Variants in AP1M1 observed in about 807,000 individuals in gnomAD.
The protein encoded by AP1M1 is AP-1 complex subunit mu-1.
AP1M1 carries 18 observed loss-of-function variants against 57.1 expected under a neutral mutation model. The observed-to-expected ratio is 0.32, with a 90% confidence interval of 0.22 to 0.47. AP1M1 has a LOEUF of 0.47. Ranked by LOEUF, AP1M1 falls within the 20% of genes least tolerant of loss-of-function variation. The pLI is 1.00. For missense variants in AP1M1, 362 were observed against 593.5 expected (o/e 0.61, Z 4.05); for synonymous variants, 241 against 237.9 (o/e 1.01, Z -0.12).
chr19:16,233,659 G>A, intron 10 of AP1M1, 41 bp downstream of exon 10: 1 of 1,580,544 alleles, frequency 6.3e-7, no homozygotes, highest in Non-Finnish European at 8.6e-7. Context: ...AACAGGGACA[G>A]AGGCCGCAGG....
intron 5 of AP1M1, among the ~76,000 whole-genome samples, chr19:16,211,348 C>T (rs1241937137): frequency 6.6e-6 from 1 of 152,096 alleles, no homozygotes; most frequent in Non-Finnish European, 1.5e-5. Flanking sequence ...CCTTCCTCGG[C>T]CTCCCTAAGT....
chr19:16,201,369 G>A (rs1875337540), intron 1 of AP1M1, among the ~76,000 whole-genome samples: 1 of 144,880 alleles, frequency 6.9e-6, no homozygotes, highest in Admixed American at 6.9e-5. Context: ...ATCTCAGCCA[G>A]AGCAAGCAGG....
intron 9 of AP1M1, among the ~76,000 whole-genome samples, chr19:16,231,313 C>CAG (rs371509285): frequency 0.16 from 6,429 of 41,180 alleles, 390 homozygotes; most frequent in African/African-American, 0.22. Flanking sequence ...AAAAAAAACA[C>CAG]AGAGAGAGAT....
At position 16,206,541 on chromosome 19, in the gene AP1M1, A is replaced by G. The variant is rs2091470253; in HGVS notation, c.267+133A>G. Reference sequence around the variant, plus strand: ...GAGCACTGGGGCTGGAAGCCCAGGAAGTGGGAAAGGGGAGTCCCAACTCCC... The same window carrying G: ...GAGCACTGGGGCTGGAAGCCCAGGAGGTGGGAAAGGGGAGTCCCAACTCCC... On this transcript the variant is annotated intron_variant, in intron 3 of 11. Coordinates refer to ENST00000291439, the MANE Select transcript of AP1M1 (RefSeq NM_032493.4). The surrounding 1 kb of genome is among the most constrained non-coding windows in gnomAD (Gnocchi z 4.3). The G allele has an allele frequency of 3.2e-6, 3 of 926,926 alleles. No homozygotes were observed. Among genetic ancestry groups the G allele is most frequent in the Non-Finnish European group, 5.0e-6 (3 of 594,662 alleles). The allele number at this position is 926,926 out of a possible 1,614,324, so 57.4% of individuals were successfully genotyped here.
At position 16,209,184 on chromosome 19, in the gene AP1M1, CT is replaced by C. The variant is rs1239976908; in HGVS notation, c.546+8del. 6.2e-7 allele frequency: 1 copy of C among 1,613,478 alleles called. No homozygotes were observed. Among genetic ancestry groups the C allele is most frequent in the East Asian group, 2.2e-5 (1 of 44,856 alleles). On this transcript the variant is annotated splice_region_variant and intron_variant, in intron 5 of 11. Transcript: ENST00000291439. Reference sequence around the variant, plus strand: ...CGAGTCTGTCAACCTCTTGGTAGGCCTCTTTTCTTTCCTTCTTCTGTAGGGT... The same window carrying C: ...CGAGTCTGTCAACCTCTTGGTAGGCCCTTTTCTTTCCTTCTTCTGTAGGGT...
intron 5 of AP1M1, 54 bp downstream of exon 5, chr19:16,209,231 A>T: frequency 6.3e-7 from 1 of 1,588,772 alleles, no homozygotes; most frequent in East Asian, 2.3e-5. Flanking sequence ...CCACGATAGA[A>T]ATAAACACAG....
intron 1 of AP1M1, among the ~76,000 whole-genome samples, chr19:16,201,388 C>CTTTTTTTT (rs57467734): frequency 1.8e-4 from 11 of 62,398 alleles, no homozygotes; most frequent in South Asian, 6.5e-4. Context: ...GGGAGGATTT[C>CTTTTTTTT]TTTTTTTTTT....
In AP1M1 at chr19:16,208,334, G is replaced by A. The variant is rs57601510; in HGVS notation, c.398+185G>A. The A allele has an allele frequency of 5.6e-3, 3,106 of 551,658 alleles. 80 individuals are homozygous for A. Among genetic ancestry groups the A allele is most frequent in the African/African-American group, 0.053 (2,805 of 53,030 alleles). The allele number at this position is 551,658 out of a possible 1,614,324, so 34.2% of individuals were successfully genotyped here. ...GGTTTTAATTCGTTTCCTCCTCTACGCCCCCACATAACCGTGCTTTTCCTG... is the reference window on the plus strand; with the variant it reads ...GGTTTTAATTCGTTTCCTCCTCTACACCCCCACATAACCGTGCTTTTCCTG... On this transcript the variant is annotated intron_variant, in intron 4 of 11. Coordinates refer to ENST00000291439, the MANE Select transcript of AP1M1 (RefSeq NM_032493.4).
intron 4 of AP1M1, chr19:16,208,382 C>T (rs765444793): frequency 1.0e-4 from 41 of 408,628 alleles, no homozygotes; most frequent in Admixed American, 3.0e-4. Context: ...ACTCTCCATC[C>T]ACACAGATGC....
chr19:16,218,837 A>G (rs552395560), intron 5 of AP1M1, among the ~76,000 whole-genome samples: 3 of 152,294 alleles, frequency 2.0e-5, no homozygotes, highest in Admixed American at 6.5e-5. Context: ...CCACGTGTTC[A>G]GCTCTCTGGA....
At position 16,239,795 on chromosome 19, in the gene AP1M1, A is replaced by AC. The variant is rs2091638603; in HGVS notation, c.*5360_*5361insC. The AC allele has an allele frequency of 6.6e-6, 1 of 152,090 alleles. No individual in the cohort carries two copies. The highest frequency in any genetic ancestry group is 2.4e-5 in the African/African-American group (1 of 41,400). The allele number at this position is 152,090 out of a possible 1,614,324, so 9.4% of individuals were successfully genotyped here. ...GTGAGACACTGTCTCAAAAAAAAAA[A>AC]TTAACAACTTGGTTGGAGGGTGTTA... On this transcript the variant is annotated 3_prime_UTR_variant, in exon 12 of 12. Coordinates refer to ENST00000291439, the MANE Select transcript of AP1M1 (RefSeq NM_032493.4).
At chr19:16,205,979 G>A (rs1020931208) in intron 2 of AP1M1, among the ~76,000 whole-genome samples, 3 of 152,174 alleles carry the variant, frequency 2.0e-5, no homozygotes, top group African/African-American at 4.8e-5. Context: ...GTCAGCTTTG[G>A]AGGAGCAGGG....
Position 16,228,209 on chromosome 19 carries a change from G to A in AP1M1, c.888+1G>A, listed in dbSNP as rs780588791. 4 of 1,613,410 alleles carry A rather than the reference G, an allele frequency of 2.5e-6. No individual in the cohort carries two copies. On this transcript the variant is annotated splice_donor_variant, in intron 8 of 11. Transcript: ENST00000291439. LOFTEE classifies it high-confidence loss of function. The surrounding 1 kb of genome is among the most constrained non-coding windows in gnomAD (Gnocchi z 5.0). ...CAGCCGCATCGAGTACATGATCAAG[G>A]TGCGTGGGCCGAGGCCACCCACTGA...
chr19:16,234,818 G>A lies in AP1M1; in HGVS notation c.*383G>A, dbSNP rs2091618017. 1.9e-5 allele frequency: 7 copies of A among 369,586 alleles called. No homozygotes were observed. The highest frequency in any genetic ancestry group is 4.1e-5 in the South Asian group (1 of 24,246). 22.9% of individuals were successfully genotyped at this position (369,586 alleles called of 1,614,324 possible). ...CTGCCACGAAGGAAGCGCCAGCCTC[G>A]CCAGGCCAGCAGGGGCGTCGTTTTG... On this transcript the variant is annotated 3_prime_UTR_variant, in exon 12 of 12. Coordinates refer to ENST00000291439, the MANE Select transcript of AP1M1 (RefSeq NM_032493.4).
Position 16,207,979 on chromosome 19 carries a change from A to G in AP1M1, c.268-40A>G. On this transcript the variant is annotated intron_variant, in intron 3 of 11. Coordinates refer to ENST00000291439, the MANE Select transcript of AP1M1 (RefSeq NM_032493.4). This position sits in a 1 kb window ranked among gnomAD's most constrained non-coding sequence, Gnocchi z 4.2. ...TCATTCCTCATCCGTCCGCTCAATG[A>G]TCTGCCTCCCATTCCTCCCTCCCTC... 1 of 1,592,014 alleles carries G rather than the reference A, an allele frequency of 6.3e-7. No homozygotes were observed. The highest frequency in any genetic ancestry group is 8.6e-7 in the Non-Finnish European group (1 of 1,169,534).
intron 9 of AP1M1, among the ~76,000 whole-genome samples, chr19:16,232,160 G>A (rs959527956): frequency 2.0e-5 from 3 of 152,356 alleles, no homozygotes; most frequent in Admixed American, 1.3e-4. Context: ...CTGTCCTCCT[G>A]TGCACCTTTC....
At chr19:16,217,947 A>G (rs1274942216) in intron 5 of AP1M1, among the ~76,000 whole-genome samples, 1 of 152,154 alleles carries the variant, frequency 6.6e-6, no homozygotes, top group East Asian at 1.9e-4. Flanking sequence ...GCGCCTCCCC[A>G]TAAGACCCAC....
Position 16,241,673 on chromosome 19 carries a change from G to A in AP1M1, c.*7238G>A, listed in dbSNP as rs12975529. Reference sequence around the variant, plus strand: ...AAGAAAACTTTTAACAGATTAATAGGAAGAAGGAAAAGAGAAGGAGGCGTA... The same window carrying A: ...AAGAAAACTTTTAACAGATTAATAGAAAGAAGGAAAAGAGAAGGAGGCGTA... On this transcript the variant is annotated 3_prime_UTR_variant, in exon 12 of 12. Transcript: ENST00000291439. 83,372 of 151,836 alleles carry A rather than the reference G, an allele frequency of 0.55. 25,880 individuals carry two copies. The highest frequency in any genetic ancestry group is 0.71 in the Non-Finnish European group (48,294 of 67,950). The allele number at this position is 151,836 out of a possible 1,614,324, so 9.4% of individuals were successfully genotyped here. A position where few individuals can be genotyped will look rare whatever the true frequency, so the allele number is the denominator to read the frequency against.
Position 16,207,881 on chromosome 19 carries a change from A to T in AP1M1, c.268-138A>T, listed in dbSNP as rs2091475884. On this transcript the variant is annotated intron_variant, in intron 3 of 11. Transcript: ENST00000291439. The surrounding 1 kb of genome is among the most constrained non-coding windows in gnomAD (Gnocchi z 4.2). ...CCATAACCTGGGTCCAGGGCCCTGTAGCACACCACCGAGCCTGGGAAGTAG... is the reference window on the plus strand; with the variant it reads ...CCATAACCTGGGTCCAGGGCCCTGTTGCACACCACCGAGCCTGGGAAGTAG... The T allele has an allele frequency of 2.0e-5, 23 of 1,163,070 alleles. No homozygotes were observed. In the East Asian group the frequency reaches 5.8e-4, roughly 29 times the overall value. 72.0% of individuals were successfully genotyped at this position (1,163,070 alleles called of 1,614,324 possible). A position where few individuals can be genotyped will look rare whatever the true frequency, so the allele number is the denominator to read the frequency against.
Sources: gnomAD v4.1 joint callset for allele counts (sites outside exome capture counted in the v4.1 genomes callset) on GRCh38, gnomAD v4.1.1 for gene constraint, Gnocchi (gnomAD v3.1) non-coding constraint, MANE v1.5 for transcripts, NCBI Gene and HGNC (gene_info 2026-07-23, HGNC 2026-07-21) for gene names.